Variants in OXR1 observed in about 807,000 individuals in gnomAD.
OXR1 encodes the protein oxidation resistance protein 1.
OXR1 carries 41 observed loss-of-function variants against 104.6 expected under a neutral mutation model. That is an observed-to-expected ratio of 0.39 (90% CI 0.31 to 0.51). The LOEUF (loss-of-function observed/expected upper bound fraction) is 0.51. OXR1 is among the 20% of genes least tolerant of loss of function. The pLI, the probability that OXR1 is intolerant of heterozygous loss-of-function variation, is 0.77. For missense variants in OXR1, 955 were observed against 1,031.9 expected (o/e 0.93, Z 1.02); for synonymous variants, 348 against 348.4 (o/e 1.00, Z 0.01).
chr8:106,411,481 T>C (rs2130507352), intron 2 of OXR1, among the ~76,000 whole-genome samples: 2 of 152,310 alleles, frequency 1.3e-5, no homozygotes, highest in Middle Eastern at 3.4e-3. Context: ...AGGAAGCCTC[T>C]GGTATCGTGG....
intron 1 of OXR1, among the ~76,000 whole-genome samples, chr8:106,280,859 G>C (rs1812252243): frequency 1.3e-5 from 2 of 152,040 alleles, no homozygotes; most frequent in South Asian, 4.2e-4. Flanking sequence ...AGAGTAACTG[G>C]GAGCCTCAGA....
At chr8:106,320,588 T>C (rs1026848746) in intron 1 of OXR1, among the ~76,000 whole-genome samples, 6 of 152,176 alleles carry the variant, frequency 3.9e-5, no homozygotes, top group Admixed American at 1.3e-4. Context: ...AAATAATTTA[T>C]TGGTGATTAA....
intron 1 of OXR1, among the ~76,000 whole-genome samples, chr8:106,315,722 A>C (rs1370412445): frequency 2.6e-5 from 4 of 152,198 alleles, no homozygotes; most frequent in Non-Finnish European, 5.9e-5. Context: ...ATTTCGTAGA[A>C]AGGAAACTGA....
At chr8:106,716,847 C>G (rs952689882) in intron 11 of OXR1, among the ~76,000 whole-genome samples, 1 of 151,992 alleles carries the variant, frequency 6.6e-6, no homozygotes, top group Non-Finnish European at 1.5e-5. Context: ...ATGTATCTTA[C>G]ATTATATTGC....
intron 3 of OXR1, among the ~76,000 whole-genome samples, chr8:106,619,790 AT>A (rs1821546249): frequency 6.6e-6 from 1 of 152,152 alleles, no homozygotes; most frequent in South Asian, 2.1e-4. Context: ...TTTATATTTA[AT>A]AAGATCAGGA....
intron 2 of OXR1, among the ~76,000 whole-genome samples, chr8:106,399,044 T>C (rs1817899180): frequency 1.3e-5 from 2 of 152,180 alleles, no homozygotes; most frequent in South Asian, 4.1e-4. Context: ...TCTTTATTTA[T>C]TTGTACTTTC....
rs1834825773 is a variant in OXR1 at position 106,740,475 on chromosome 8, A to T, written c.2296A>T (p.Ile766Phe). Reference protein sequence around the residue: ...TGLDTPVLMVIKDSDGQVFGA... With the variant: ...TGLDTPVLMVFKDSDGQVFGA... The stretch of plus-strand genomic sequence containing the variant: ...TTTAGACACCCCAGTGCTGATGGTG[A>T]TTAAAGACAGTGATGGACAGGTATG... The change falls in exon 14 of 17, where the codon ATT becomes TTT. Residue 766 changes from isoleucine to phenylalanine, a missense_variant. This residue lies in a region of OXR1 where 106 missense variants were observed against 179.0 expected (regional missense o/e 0.59). Coordinates refer to ENST00000517566, the MANE Select transcript of OXR1 (RefSeq NM_001198533.2). 3 of 1,612,396 alleles carry T rather than the reference A, an allele frequency of 1.9e-6. No homozygotes were observed. Among genetic ancestry groups the T allele is most frequent in the Non-Finnish European group, 1.7e-6 (2 of 1,179,070 alleles).
chr8:106,470,859 A>G (rs963972286), intron 2 of OXR1, among the ~76,000 whole-genome samples: 1 of 151,706 alleles, frequency 6.6e-6, no homozygotes, highest in Non-Finnish European at 1.5e-5. Flanking sequence ...GGACTGATAA[A>G]CTGTGCCATC....
rs550395305 is a variant in OXR1 at position 106,359,811 on chromosome 8, C to CT, written c.23+178dup. 3.9e-3 allele frequency among the ~76,000 whole-genome samples: 593 copies of CT among 152,274 alleles called. 5 individuals carry two copies. The highest frequency in any genetic ancestry group is 0.013 in the African/African-American group (548 of 41,562). ...GCAATCTAGGATTAGAAGTCTGACA[C>CT]TTTCAGTGCTATGATATCTGGGGGC... On this transcript the variant is annotated intron_variant, in intron 2 of 16. Transcript: ENST00000517566.
chr8:106,595,764 A>G (rs1819484113), intron 3 of OXR1, among the ~76,000 whole-genome samples: 1 of 152,070 alleles, frequency 6.6e-6, no homozygotes, highest in Non-Finnish European at 1.5e-5. Context: ...TCCCATAAAC[A>G]TTTGTGCCAG....
At chr8:106,630,469 A>G (rs1822578627) in intron 3 of OXR1, among the ~76,000 whole-genome samples, 1 of 152,194 alleles carries the variant, frequency 6.6e-6, no homozygotes, top group Non-Finnish European at 1.5e-5. Context: ...GAAACTAAGT[A>G]TTTTGATTCC....
chr8:106,343,096 CCTTCT>C (rs1322406215), intron 1 of OXR1, among the ~76,000 whole-genome samples: 1 of 152,178 alleles, frequency 6.6e-6, no homozygotes, highest in East Asian at 1.9e-4. Context: ...CTCCCAGCTA[CCTTCT>C]TTCAGGTCTT....
At chr8:106,414,796 TG>T (rs1275468565) in intron 2 of OXR1, among the ~76,000 whole-genome samples, 1 of 152,092 alleles carries the variant, frequency 6.6e-6, no homozygotes, top group Non-Finnish European at 1.5e-5. Context: ...GTTAGCAACA[TG>T]TTGTAAAGGA....
chr8:106,510,149 C>T (rs1227607554), intron 2 of OXR1, among the ~76,000 whole-genome samples: 1 of 152,158 alleles, frequency 6.6e-6, no homozygotes, highest in African/African-American at 2.4e-5. Flanking sequence ...ATATCCACTA[C>T]CAAATATCAA....
chr8:106,330,508 T>C (rs987736915), intron 1 of OXR1, among the ~76,000 whole-genome samples: 1 of 152,194 alleles, frequency 6.6e-6, no homozygotes, highest in South Asian at 2.1e-4. Context: ...CATTAGATCA[T>C]TTAAAAAAGA....
At chr8:106,642,117 G>A (rs1483953729) in intron 3 of OXR1, among the ~76,000 whole-genome samples, 1 of 152,052 alleles carries the variant, frequency 6.6e-6, no homozygotes, top group Non-Finnish European at 1.5e-5. Flanking sequence ...GAGCTACAAG[G>A]AAGTACAAAA....
chr8:106,625,771 T>C (rs1423342874), intron 3 of OXR1, among the ~76,000 whole-genome samples: 1 of 152,180 alleles, frequency 6.6e-6, no homozygotes, highest in African/African-American at 2.4e-5. Flanking sequence ...TTTCCCAATC[T>C]TGTTGAAATG....
chr8:106,346,375 A>T (rs1815480706), intron 1 of OXR1, among the ~76,000 whole-genome samples: 1 of 152,164 alleles, frequency 6.6e-6, no homozygotes, highest in South Asian at 2.1e-4. Flanking sequence ...AGTGTCTATT[A>T]TGTGGTTCTT....
intron 3 of OXR1, among the ~76,000 whole-genome samples, chr8:106,605,871 T>A (rs1820338869): frequency 6.6e-6 from 1 of 151,840 alleles, no homozygotes; most frequent in African/African-American, 2.4e-5. Context: ...TCCCACTTCC[T>A]ACTTAGGTTG....
Sources: gnomAD v4.1 joint callset for allele counts (sites outside exome capture counted in the v4.1 genomes callset) on GRCh38, gnomAD v4.1.1 for gene constraint, gnomAD v4.1.1 regional missense constraint, MANE v1.5 for transcripts, NCBI Gene and HGNC (gene_info 2026-07-23, HGNC 2026-07-21) for gene names.